The following NSD1 variants were observed in gnomAD, a reference collection of about 807,000 sequenced individuals.
The protein encoded by NSD1 is nuclear receptor binding SET domain protein 1.
Under a neutral mutation model 242.7 loss-of-function variants are expected in NSD1, and 26 were observed. The observed-to-expected ratio is 0.11, with a 90% CI of 0.08 to 0.15. The LOEUF (loss-of-function observed/expected upper bound fraction) is 0.15. Ranked by LOEUF, NSD1 falls within the 10% of genes least tolerant of loss-of-function variation. The pLI is 1.00. For missense variants in NSD1, 2,495 were observed against 3,272.8 expected (o/e 0.76, Z 5.80); for synonymous variants, 1,106 against 1,178.1 (o/e 0.94, Z 1.25).
rs781465022 is a variant in NSD1, at chr5:177,210,612, T to C, written c.2213T>C (p.Leu738Pro). The part of the protein sequence containing the change: ...VNLSDLKAST[L>P]VHKPQSDFTN... ...CTCTCTGATCTGAAGGCATCTACTCTTGTTCACAAACCCCAGTCAGATTTT... is the reference window on the plus strand; with the variant it reads ...CTCTCTGATCTGAAGGCATCTACTCCTGTTCACAAACCCCAGTCAGATTTT... Residue 738 changes from leucine (L) to proline (P), a missense_variant, in exon 5 of 23, where the codon CTT becomes CCT. Transcript: ENST00000439151. The C allele has an allele frequency of 1.2e-6, 2 of 1,614,146 alleles. No homozygotes were observed. The highest frequency in any genetic ancestry group is 3.3e-5 in the Admixed American group (2 of 60,002).
intron 2 of NSD1, among the ~76,000 whole-genome samples, chr5:177,185,782 A>G (rs1358183276): frequency 7.7e-5 from 3 of 39,088 alleles, no homozygotes; most frequent in African/African-American, 4.9e-4. Context: ...TATATTATAT[A>G]TGTATATTAT....
At chr5:177,182,881 G>A (rs947661017) in intron 2 of NSD1, among the ~76,000 whole-genome samples, 7 of 152,032 alleles carry the variant, frequency 4.6e-5, no homozygotes, top group Non-Finnish European at 8.8e-5. Context: ...CAGGTGATCC[G>A]CCCACCTCGG....
At chr5:177,260,337 A>G (rs914820399) in intron 14 of NSD1, among the ~76,000 whole-genome samples, 169 bp downstream of exon 14, 1 of 141,454 alleles carries the variant, frequency 7.1e-6, no homozygotes, top group Admixed American at 7.4e-5. Flanking sequence ...TACATAGCAG[A>G]ACTTTTTTTT....
intron 5 of NSD1, among the ~76,000 whole-genome samples, chr5:177,233,723 C>T (rs1562240173): frequency 6.6e-6 from 1 of 151,970 alleles, no homozygotes; most frequent in African/African-American, 2.4e-5. Context: ...CATTTTATAG[C>T]AGTAGTTGGT....
chr5:177,250,153 T>C (rs1755820225), intron 11 of NSD1, among the ~76,000 whole-genome samples: 1 of 152,236 alleles, frequency 6.6e-6, no homozygotes, highest in Admixed American at 6.5e-5. Flanking sequence ...GAAAATGTTA[T>C]TGTGGCCAAT....
At chr5:177,259,860 A>T (rs914792234) in intron 13 of NSD1, 129 bp from the exon 14 acceptor site, 1 of 983,022 alleles carries the variant, frequency 1.0e-6, no homozygotes, top group Non-Finnish European at 1.6e-6. Flanking sequence ...AAGATCCATC[A>T]TCTTAGTGGT....
At position 177,267,738 on chromosome 5, in the gene NSD1, C is replaced by G. The variant is rs2149931438; in HGVS notation, c.5303+20C>G. 6.2e-7 allele frequency: 1 copy of G among 1,611,844 alleles called. No individual in the cohort carries two copies. The highest frequency in any genetic ancestry group is 2.2e-5 in the East Asian group (1 of 44,814). ...ATACAGGTAAGCCTGAAGAATAGCA[C>G]TCATCTCTTTTACCATCCTCTGTTT... On this transcript the variant is annotated intron_variant, in intron 15 of 22. Coordinates refer to ENST00000439151, the MANE Select transcript of NSD1 (RefSeq NM_022455.5).
intron 2 of NSD1, among the ~76,000 whole-genome samples, chr5:177,184,336 G>A (rs1168144986): frequency 6.6e-6 from 1 of 152,062 alleles, no homozygotes; most frequent in Non-Finnish European, 1.5e-5. Flanking sequence ...GTATCTCATT[G>A]TAGTTTTGAT....
intron 2 of NSD1, among the ~76,000 whole-genome samples, chr5:177,152,359 ATGTT>A (rs1369029516): frequency 1.5e-5 from 2 of 137,038 alleles, no homozygotes; most frequent in Non-Finnish European, 3.1e-5. Flanking sequence ...GTATGTATGT[ATGTT>A]TGTATATATT....
intron 14 of NSD1, chr5:177,266,434 A>T (rs191380448): frequency 4.8e-6 from 3 of 619,122 alleles, no homozygotes; most frequent in East Asian, 3.4e-5. Flanking sequence ...GTCTTTAAAG[A>T]GGTGGCGGTT....
At chr5:177,186,509 C>G (rs556014981) in intron 2 of NSD1, among the ~76,000 whole-genome samples, 1 of 151,984 alleles carries the variant, frequency 6.6e-6, no homozygotes, top group South Asian at 2.1e-4. Context: ...TTAACTGTTG[C>G]TAGAAAAATT....
chr5:177,252,536 GTTCTTTTTTT>G (rs1756062392), intron 12 of NSD1, among the ~76,000 whole-genome samples: 1 of 98,996 alleles, frequency 1.0e-5, no homozygotes, highest in Admixed American at 1.1e-4. Flanking sequence ...AAAGTAAAGT[GTTCTTTTTTT>G]TTTTTTTTTT....
At chr5:177,164,198 C>G (rs1328318763) in intron 2 of NSD1, among the ~76,000 whole-genome samples, 1 of 150,340 alleles carries the variant, frequency 6.7e-6, no homozygotes, top group Non-Finnish European at 1.5e-5. Flanking sequence ...CTCTGTTGCC[C>G]AAGCTGGAGT....
At position 177,269,564 on chromosome 5, in the gene NSD1, CT is replaced by C. The variant is rs751375547; in HGVS notation, c.5304-36del. On this transcript the variant is annotated intron_variant, in intron 15 of 22. Coordinates refer to ENST00000439151, the MANE Select transcript of NSD1 (RefSeq NM_022455.5). This position sits in a 1 kb window ranked among gnomAD's most constrained non-coding sequence, Gnocchi z 5.1. ...GGTTATTTTCCTAATGCCTTGCAGC[CT>C]TCTAGAGGTTTTCCTTCTCCTTTTC... 1 of 1,588,622 alleles carries C rather than the reference CT, an allele frequency of 6.3e-7. No individual in the cohort carries two copies. The highest frequency in any genetic ancestry group is 8.6e-7 in the Non-Finnish European group (1 of 1,157,180).
chr5:177,180,003 C>T (rs555146387), intron 2 of NSD1, among the ~76,000 whole-genome samples: 14 of 152,040 alleles, frequency 9.2e-5, no homozygotes, highest in East Asian at 5.8e-4. Context: ...AGGTTTCAAG[C>T]GATTCTCCTG....
chr5:177,197,600 C>A (rs967240621), intron 3 of NSD1, among the ~76,000 whole-genome samples: 3 of 152,140 alleles, frequency 2.0e-5, no homozygotes, highest in Non-Finnish European at 2.9e-5. Context: ...CCAGCCTGGG[C>A]GAGAGTGCGA....
intron 2 of NSD1, among the ~76,000 whole-genome samples, chr5:177,140,767 T>C (rs1756742037): frequency 6.6e-6 from 1 of 152,072 alleles, no homozygotes; most frequent in Non-Finnish European, 1.5e-5. Flanking sequence ...TGGCAGCTTT[T>C]TGGGGGCTAC....
rs35942745 is a variant in NSD1, at chr5:177,159,030, G to GATATATAT, written c.927+23011_927+23018dup. On this transcript the variant is annotated intron_variant, in intron 2 of 22. Coordinates refer to ENST00000439151, the MANE Select transcript of NSD1 (RefSeq NM_022455.5). ...TATATATATATATATATATATGAAT[G>GATATATAT]ATATATATATATATATATGAATGAA... Among the ~76,000 whole-genome samples the GATATATAT allele has an allele frequency of 1.5e-4, 17 of 113,866 alleles. 1 individual carries two copies. The highest frequency in any genetic ancestry group is 4.7e-4 in the African/African-American group (11 of 23,502). 74.7% of individuals were successfully genotyped at this position (113,866 alleles called of 152,430 possible).
At chr5:177,187,485 G>T (rs889664391) in intron 2 of NSD1, among the ~76,000 whole-genome samples, 4 of 152,108 alleles carry the variant, frequency 2.6e-5, no homozygotes, top group African/African-American at 9.7e-5. Flanking sequence ...TGAGGGGTAA[G>T]CAAAATAATG....
Sources: allele counts gnomAD v4.1 joint callset (sites outside exome capture counted in the v4.1 genomes callset), GRCh38; gene constraint gnomAD v4.1.1; non-coding constraint Gnocchi (gnomAD v3.1); transcripts MANE v1.5; gene names NCBI Gene and HGNC (gene_info 2026-07-23, HGNC 2026-07-21).